Variants in DTWD1 observed in about 807,000 individuals in gnomAD.
DTWD1 encodes the protein tRNA-uridine aminocarboxypropyltransferase 1.
DTWD1 carries 27 observed loss-of-function variants against 30.2 expected under a neutral mutation model. That is an observed-to-expected ratio of 0.90 (90% CI 0.66 to 1.23). The LOEUF is 1.23. DTWD1 is among the 50% of genes most tolerant of loss of function. The pLI, the probability that DTWD1 is intolerant of heterozygous loss-of-function variation, is 0.00. For missense variants in DTWD1, 342 were observed against 348.8 expected (o/e 0.98, Z 0.15); for synonymous variants, 99 against 113.1 (o/e 0.88, Z 0.79).
intron 4 of DTWD1, among the ~76,000 whole-genome samples, chr15:49,642,691 G>A (rs1014760034): frequency 2.6e-5 from 4 of 152,100 alleles, no homozygotes; most frequent in Admixed American, 2.6e-4. Flanking sequence ...GGCCAAGGCA[G>A]GAGGATCACT....
rs769032945 is a variant in DTWD1, at chr15:49,632,298, A to G, written c.404A>G (p.His135Arg). The G allele has an allele frequency of 1.3e-6, 2 of 1,577,266 alleles. No homozygotes were observed. Among genetic ancestry groups the G allele is most frequent in the South Asian group, 2.4e-5 (2 of 83,486 alleles). ...PCIPEYEEKDHEVALIFPGPQ... is the reference protein window; with the variant it reads ...PCIPEYEEKDREVALIFPGPQ... ...ATTCCAGAATATGAAGAAAAGGACC[A>G]TGAAGTAGGCAACTTAGTTTTTATA... The change falls in exon 3 of 5, where the codon CAT (histidine) becomes CGT (arginine). Residue 135 changes from histidine (H) to arginine (R), a missense_variant. By Grantham distance (29) the His-to-Arg change is conservative. Coordinates refer to ENST00000403028, the MANE Select transcript of DTWD1 (RefSeq NM_001144955.2).
At chr15:49,635,488 CTTG>C (rs1353614298) in intron 4 of DTWD1, among the ~76,000 whole-genome samples, 2 of 151,132 alleles carry the variant, frequency 1.3e-5, no homozygotes, top group South Asian at 2.1e-4. Flanking sequence ...TTTTGTTGTT[CTTG>C]TTGTTGTTTG....
rs2079117988 is a variant in DTWD1, at chr15:49,646,280, A to G, written c.*2702A>G. On this transcript the variant is annotated 3_prime_UTR_variant, in exon 5 of 5. Coordinates refer to ENST00000403028, the MANE Select transcript of DTWD1 (RefSeq NM_001144955.2). ...ATGTCTATTATGCCACCAATGTCTT[A>G]TAGCTATTTATTGTGGCTATAGATA... The G allele has an allele frequency of 6.6e-6, 1 of 152,234 alleles. No individual in the cohort carries two copies. The highest frequency in any genetic ancestry group is 1.9e-4 in the East Asian group (1 of 5,198). 9.4% of individuals were successfully genotyped at this position (152,234 alleles called of 1,614,324 possible).
In DTWD1 at chr15:49,644,650, C is replaced by T. The variant is rs2079103974; in HGVS notation, c.*1072C>T. On this transcript the variant is annotated 3_prime_UTR_variant, in exon 5 of 5. Coordinates refer to ENST00000403028, the MANE Select transcript of DTWD1 (RefSeq NM_001144955.2). ...GGCTCCTTTCCTGCCATGTCATCAT[C>T]AGTTGGCTGTGTTCCTCTACTAAAT... is the stretch of plus-strand genomic sequence containing the variant. 6.6e-6 allele frequency: 1 copy of T among 152,174 alleles called. No homozygotes were observed. Among genetic ancestry groups the T allele is most frequent in the Non-Finnish European group, 1.5e-5 (1 of 68,056 alleles). 9.4% of individuals were successfully genotyped at this position (152,174 alleles called of 1,614,324 possible). A position where few individuals can be genotyped will look rare whatever the true frequency, so the allele number is the denominator to read the frequency against.
In DTWD1 at chr15:49,652,026, G is replaced by A. The variant is rs1053355597; in HGVS notation, c.*8448G>A. On this transcript the variant is annotated 3_prime_UTR_variant, in exon 5 of 5. Transcript: ENST00000403028. ...TGGATCAATTATCCTTATATAGCAT[G>A]TGCCCCAATATGAAGAATAAATGGG... 16 of 152,024 alleles carry A rather than the reference G, an allele frequency of 1.1e-4. No individual in the cohort carries two copies. The highest frequency in any genetic ancestry group is 3.9e-4 in the African/African-American group (16 of 41,404). The allele number at this position is 152,024 out of a possible 1,614,324, so 9.4% of individuals were successfully genotyped here.
In DTWD1 at chr15:49,645,832, T is replaced by A. The variant is rs188797994; in HGVS notation, c.*2254T>A. ...TTCAAAAGAAGTTAGTAATACCTAT[T>A]AGAACAATGAATTGACTATACTTGT... On this transcript the variant is annotated 3_prime_UTR_variant, in exon 5 of 5. Coordinates refer to ENST00000403028, the MANE Select transcript of DTWD1 (RefSeq NM_001144955.2). 1 of 152,280 alleles carries A rather than the reference T, an allele frequency of 6.6e-6. No homozygotes were observed. The highest frequency in any genetic ancestry group is 6.5e-5 in the Admixed American group (1 of 15,276). 9.4% of individuals were successfully genotyped at this position (152,280 alleles called of 1,614,324 possible).
At position 49,652,192 on chromosome 15, in the gene DTWD1, G is replaced by A. The variant is rs1018521736; in HGVS notation, c.*8614G>A. The A allele has an allele frequency of 7.9e-5, 12 of 151,970 alleles. No individual in the cohort carries two copies. Among genetic ancestry groups the A allele is most frequent in the Admixed American group, 7.2e-4 (11 of 15,242 alleles). 9.4% of individuals were successfully genotyped at this position (151,970 alleles called of 1,614,324 possible). ...CTGAACTCTGCAGTGAGAGGTCTTG[G>A]TCCCACAAGGGGACACAGTTTTGCT... On this transcript the variant is annotated 3_prime_UTR_variant, in exon 5 of 5. Coordinates refer to ENST00000403028, the MANE Select transcript of DTWD1 (RefSeq NM_001144955.2).
chr15:49,652,651 C>T lies in DTWD1; in HGVS notation c.*9073C>T, dbSNP rs940749548. The T allele has an allele frequency of 5.9e-5, 8 of 134,880 alleles. No homozygotes were observed. The highest frequency in any genetic ancestry group is 2.9e-4 in the African/African-American group (8 of 27,578). 8.4% of individuals were successfully genotyped at this position (134,880 alleles called of 1,614,324 possible). The stretch of plus-strand genomic sequence containing the variant: ...TGCAGCAGCAAGCACTGTAATTTGT[C>T]CCACTAATCTCCCATCTTCTAAATT... On this transcript the variant is annotated 3_prime_UTR_variant, in exon 5 of 5. Coordinates refer to ENST00000403028, the MANE Select transcript of DTWD1 (RefSeq NM_001144955.2).
intron 2 of DTWD1, 118 bp from the exon 3 acceptor site, chr15:49,632,041 A>G (rs990307564): frequency 4.4e-6 from 4 of 909,006 alleles, no homozygotes; most frequent in African/African-American, 1.7e-5. Context: ...CTTTTAAACC[A>G]TATGCATATT....
rs557343130 is a variant in DTWD1 at position 49,621,680 on chromosome 15, A to T, written c.-56+558A>T. 8.7e-4 allele frequency among the ~76,000 whole-genome samples: 133 copies of T among 152,322 alleles called. 5 individuals carry two copies. In the South Asian group the frequency reaches 0.026, roughly 30 times the overall value. Reference sequence around the variant, plus strand: ...TCAGTCGCCAGGCCCACAAAGTTGGATGGTAAAATCAATACTGTAGATCGC... The same window carrying T: ...TCAGTCGCCAGGCCCACAAAGTTGGTTGGTAAAATCAATACTGTAGATCGC... On this transcript the variant is annotated intron_variant, in intron 1 of 4. Coordinates refer to ENST00000403028, the MANE Select transcript of DTWD1 (RefSeq NM_001144955.2).
chr15:49,644,233 T>C lies in DTWD1; in HGVS notation c.*655T>C, dbSNP rs1348791831. The C allele has an allele frequency of 6.6e-6, 1 of 152,202 alleles. No homozygotes were observed. Among genetic ancestry groups the C allele is most frequent in the Non-Finnish European group, 1.5e-5 (1 of 68,034 alleles). The allele number at this position is 152,202 out of a possible 1,614,324, so 9.4% of individuals were successfully genotyped here. ...TTAATATCTAAGGGGCTTTCAGCAG[T>C]ACCTGAAATATAGTAAGTGTTACAT... On this transcript the variant is annotated 3_prime_UTR_variant, in exon 5 of 5. Transcript: ENST00000403028.
chr15:49,649,252 T>G lies in DTWD1; in HGVS notation c.*5674T>G, dbSNP rs2079138664. On this transcript the variant is annotated 3_prime_UTR_variant, in exon 5 of 5. Coordinates refer to ENST00000403028, the MANE Select transcript of DTWD1 (RefSeq NM_001144955.2). The stretch of plus-strand genomic sequence containing the variant: ...GGGGTGATGCCTTTAGAACTTTAAG[T>G]GAAAATAGTTTTCTATTTGGATTCT... 1 of 152,178 alleles carries G rather than the reference T, an allele frequency of 6.6e-6. No individual in the cohort carries two copies. The highest frequency in any genetic ancestry group is 1.5e-5 in the Non-Finnish European group (1 of 68,018). 9.4% of individuals were successfully genotyped at this position (152,178 alleles called of 1,614,324 possible). A position where few individuals can be genotyped will look rare whatever the true frequency, so the allele number is the denominator to read the frequency against.
In DTWD1 at chr15:49,639,351, A is replaced by C. The variant is rs141719920; in HGVS notation, c.668-3980A>C. ...GAAGGTGGGAGTATCACTTGAACACAGGAGTTCTAGACTAGCCTAGGCAAC... is the reference window on the plus strand; with the variant it reads ...GAAGGTGGGAGTATCACTTGAACACCGGAGTTCTAGACTAGCCTAGGCAAC... On this transcript the variant is annotated intron_variant, in intron 4 of 4. Transcript: ENST00000403028. Among the ~76,000 whole-genome samples, 551 of 152,290 alleles carry C rather than the reference A, an allele frequency of 3.6e-3. 4 individuals are homozygous for C. The highest frequency in any genetic ancestry group is 0.013 in the African/African-American group (522 of 41,562).
rs1276960233 is a variant in DTWD1 at position 49,655,247 on chromosome 15, A to G, written c.*11669A>G. 1 of 152,094 alleles carries G rather than the reference A, an allele frequency of 6.6e-6. No individual in the cohort carries two copies. The highest frequency in any genetic ancestry group is 2.4e-5 in the African/African-American group (1 of 41,442). 9.4% of individuals were successfully genotyped at this position (152,094 alleles called of 1,614,324 possible). A position where few individuals can be genotyped will look rare whatever the true frequency, so the allele number is the denominator to read the frequency against. ...CACCATCTGGAGCTGAAGAACCACCAGCCAGTACACAGAAATGAGAAATTT... is the reference window on the plus strand; with the variant it reads ...CACCATCTGGAGCTGAAGAACCACCGGCCAGTACACAGAAATGAGAAATTT... On this transcript the variant is annotated 3_prime_UTR_variant, in exon 5 of 5. Coordinates refer to ENST00000403028, the MANE Select transcript of DTWD1 (RefSeq NM_001144955.2).
intron 1 of DTWD1, among the ~76,000 whole-genome samples, chr15:49,623,299 C>T (rs1424150336): frequency 6.6e-6 from 1 of 152,144 alleles, no homozygotes; most frequent in Non-Finnish European, 1.5e-5. Flanking sequence ...CTGTAAGAAC[C>T]TCAGGCAACA....
chr15:49,625,832 A>G (rs7175199), intron 2 of DTWD1, among the ~76,000 whole-genome samples: 9,103 of 152,208 alleles, frequency 0.06, 706 homozygotes, highest in African/African-American at 0.18. Context: ...TGTCCACTAT[A>G]GTATAAGGCA....
intron 4 of DTWD1, among the ~76,000 whole-genome samples, chr15:49,639,991 G>A (rs1419058079): frequency 1.3e-5 from 2 of 151,940 alleles, no homozygotes; most frequent in East Asian, 1.9e-4. Flanking sequence ...ACACACACAC[G>A]TATATGTAAC....
chr15:49,621,399 C>G (rs577631554), intron 1 of DTWD1: 2 of 152,144 alleles, frequency 1.3e-5, no homozygotes, highest in East Asian at 1.9e-4. Context: ...TCCGCCCCAA[C>G]GAAAAGTATG....
intron 1 of DTWD1, 39 bp from the exon 2 acceptor site, chr15:49,625,074 G>A: frequency 1.6e-6 from 2 of 1,261,030 alleles, no homozygotes; most frequent in African/African-American, 1.5e-5. Context: ...AATGTTTTCT[G>A]TTTTTATTTT....
Sources: allele counts gnomAD v4.1 joint callset (sites outside exome capture counted in the v4.1 genomes callset), GRCh38; gene constraint gnomAD v4.1.1; transcripts MANE v1.5; gene names NCBI Gene and HGNC (gene_info 2026-07-23, HGNC 2026-07-21).